Variants in GPM6A observed in about 807,000 individuals in gnomAD.
GPM6A encodes the protein neuronal membrane glycoprotein M6-a.
In GPM6A, 7 loss-of-function variants were observed where a neutral mutation model predicts 32.1. That is an observed-to-expected ratio of 0.22 (90% CI 0.12 to 0.41). GPM6A has a LOEUF of 0.41. Among genes scored for constraint, GPM6A ranks in the 10% least tolerant of loss-of-function variants. The pLI is 1.00. For synonymous variants in GPM6A, 130 were observed against 123.4 expected (o/e 1.05, Z -0.35); for missense variants, 235 against 347.2 (o/e 0.68, Z 2.57).
At chr4:175,690,589 C>G (rs1392618225) in intron 2 of GPM6A, among the ~76,000 whole-genome samples, 2 of 152,160 alleles carry the variant, frequency 1.3e-5, no homozygotes, top group Non-Finnish European at 2.9e-5. Context: ...CTGGGCTTTC[C>G]TTGGCTAGTG....
chr4:175,853,374 T>G (rs1428730617), intron 1 of GPM6A, among the ~76,000 whole-genome samples: 1 of 152,056 alleles, frequency 6.6e-6, no homozygotes, highest in Non-Finnish European at 1.5e-5. Flanking sequence ...GCTTTAGGTT[T>G]TCTTTTATTC....
intron 1 of GPM6A, among the ~76,000 whole-genome samples, chr4:175,817,378 AG>A (rs1400692771): frequency 6.6e-6 from 1 of 152,186 alleles, no homozygotes; most frequent in African/African-American, 2.4e-5. Context: ...TGTAGGCAAA[AG>A]GGATACTAAG....
intron 1 of GPM6A, among the ~76,000 whole-genome samples, chr4:175,866,304 T>C (rs1253986712): frequency 6.6e-6 from 1 of 152,120 alleles, no homozygotes; most frequent in Non-Finnish European, 1.5e-5. Flanking sequence ...GTCCATAGTT[T>C]GCCTTAGGGT....
intron 1 of GPM6A, among the ~76,000 whole-genome samples, chr4:175,798,130 C>A (rs1230101974): frequency 6.6e-6 from 1 of 152,176 alleles, no homozygotes; most frequent in Non-Finnish European, 1.5e-5. Flanking sequence ...TACCGCTATA[C>A]TTGTGTAACT....
chr4:175,697,912 T>A (rs1475789399), intron 2 of GPM6A, among the ~76,000 whole-genome samples: 2 of 152,190 alleles, frequency 1.3e-5, no homozygotes, highest in African/African-American at 2.4e-5. Flanking sequence ...GAATGAGGAT[T>A]ATTTGCAAGC....
chr4:175,939,278 C>T (rs1279280506), intron 1 of GPM6A, among the ~76,000 whole-genome samples: 1 of 152,072 alleles, frequency 6.6e-6, no homozygotes, highest in Non-Finnish European at 1.5e-5. Context: ...GGGGGTAAAA[C>T]AATAGGCAAG....
At chr4:175,725,392 A>T (rs1746353485) in intron 1 of GPM6A, among the ~76,000 whole-genome samples, 1 of 151,740 alleles carries the variant, frequency 6.6e-6, no homozygotes, top group Non-Finnish European at 1.5e-5. Flanking sequence ...CTTGGGCTCA[A>T]GTGATCTTAC....
intron 1 of GPM6A, among the ~76,000 whole-genome samples, chr4:175,937,124 A>G (rs73871287): frequency 0.06 from 9,187 of 152,152 alleles, 869 homozygotes; most frequent in African/African-American, 0.21. Context: ...TAGTTTTGGG[A>G]GATGGCAATT....
At chr4:175,777,094 G>A (rs1013519632) in intron 1 of GPM6A, among the ~76,000 whole-genome samples, 1 of 152,110 alleles carries the variant, frequency 6.6e-6, no homozygotes, top group African/African-American at 2.4e-5. Flanking sequence ...TGTAAAGGAA[G>A]ATTGTAGTAG....
intron 1 of GPM6A, among the ~76,000 whole-genome samples, chr4:175,961,677 C>T (rs540389494): frequency 3.9e-5 from 6 of 152,250 alleles, no homozygotes; most frequent in East Asian, 1.9e-4. Context: ...AGAGAAAAAT[C>T]GCCTATAGCT....
At chr4:175,636,260 G>GTATATATA (rs34516159) in intron 6 of GPM6A, among the ~76,000 whole-genome samples, 3,107 of 100,360 alleles carry the variant, frequency 0.031, 231 homozygotes, top group Non-Finnish European at 0.045. Context: ...CATAATCACT[G>GTATATATA]TATATATATA....
intron 1 of GPM6A, among the ~76,000 whole-genome samples, chr4:175,915,632 A>G (rs1345735062): frequency 6.6e-6 from 1 of 152,158 alleles, no homozygotes; most frequent in African/African-American, 2.4e-5. Context: ...AGGCAATTTC[A>G]CAGATGAAGT....
intron 1 of GPM6A, among the ~76,000 whole-genome samples, chr4:175,832,338 T>C (rs1469182767): frequency 1.3e-5 from 2 of 152,226 alleles, no homozygotes; most frequent in East Asian, 3.8e-4. Context: ...TATTTTTTTC[T>C]TTATAAAGAC....
At chr4:175,939,536 G>A (rs1400203626) in intron 1 of GPM6A, among the ~76,000 whole-genome samples, 4 of 152,076 alleles carry the variant, frequency 2.6e-5, no homozygotes, top group African/African-American at 7.2e-5. Flanking sequence ...CCCAATTAAA[G>A]AGAGGCCACT....
rs1036624322 is a variant in GPM6A, at chr4:175,694,430, A to C, written c.230+7145T>G. Among the ~76,000 whole-genome samples, 7 of 152,174 alleles carry C rather than the reference A, an allele frequency of 4.6e-5. No individual in the cohort carries two copies. The East Asian group carries it at 7.7e-4, about 17-fold the overall frequency. On this transcript the variant is annotated intron_variant, in intron 2 of 6. Transcript: ENST00000393658. Reference sequence around the variant, plus strand: ...TCTAGGCTGAGGAGTTCTTAGATGGAAAGAAGGAACTTACTGGGAACTGGA... The same window carrying C: ...TCTAGGCTGAGGAGTTCTTAGATGGCAAGAAGGAACTTACTGGGAACTGGA...
chr4:175,928,001 T>C (rs1738903819), intron 1 of GPM6A, among the ~76,000 whole-genome samples: 1 of 152,224 alleles, frequency 6.6e-6, no homozygotes, highest in African/African-American at 2.4e-5. Flanking sequence ...TTTAACTGGT[T>C]TTGGAGTTAG....
chr4:175,960,031 T>G (rs1265222506), intron 1 of GPM6A, among the ~76,000 whole-genome samples: 1 of 152,128 alleles, frequency 6.6e-6, no homozygotes, highest in Non-Finnish European at 1.5e-5. Flanking sequence ...ACAAAGAGGT[T>G]AAGTAAATTA....
intron 1 of GPM6A, among the ~76,000 whole-genome samples, chr4:175,927,372 C>T (rs1443815743): frequency 6.6e-6 from 1 of 152,234 alleles, no homozygotes; most frequent in East Asian, 1.9e-4. Flanking sequence ...CCAAGAGTAG[C>T]TAGTACATGT....
intron 1 of GPM6A, among the ~76,000 whole-genome samples, chr4:175,745,703 C>G (rs985799417): frequency 1.3e-5 from 2 of 152,110 alleles, no homozygotes; most frequent in Non-Finnish European, 2.9e-5. Flanking sequence ...GCAGAAAGTG[C>G]AAAATAACCA....
Sources: gnomAD v4.1 joint callset for allele counts (sites outside exome capture counted in the v4.1 genomes callset) on GRCh38, gnomAD v4.1.1 for gene constraint, MANE v1.5 for transcripts, NCBI Gene and HGNC (gene_info 2026-07-23, HGNC 2026-07-21) for gene names.